The following ST3GAL3 variants were observed in gnomAD, a reference collection of about 807,000 sequenced individuals.
ST3GAL3 encodes ST3 beta-galactoside alpha-2,3-sialyltransferase 3.
ST3GAL3 carries 21 observed loss-of-function variants against 50.1 expected under a neutral mutation model. The observed-to-expected ratio is 0.42, with a 90% CI of 0.30 to 0.60. The LOEUF (loss-of-function observed/expected upper bound fraction) is 0.60. Ranked by LOEUF, ST3GAL3 falls within the 20% of genes least tolerant of loss-of-function variation. ST3GAL3 has a pLI of 0.19. For synonymous variants in ST3GAL3, 183 were observed against 190.0 expected, an observed-to-expected ratio of 0.96 and a Z score of 0.30; for missense variants, 353 against 489.4, an observed-to-expected ratio of 0.72 and a Z score of 2.63.
intron 11 of ST3GAL3, among the ~76,000 whole-genome samples, chr1:43,926,213 G>C (rs2083889811): frequency 6.6e-6 from 1 of 152,208 alleles, no homozygotes; most frequent in Admixed American, 6.5e-5. Flanking sequence ...TTCCCAGAGA[G>C]AGGACAGAGA....
chr1:43,868,864 A>C (rs1044488492), intron 5 of ST3GAL3, among the ~76,000 whole-genome samples: 3 of 152,124 alleles, frequency 2.0e-5, no homozygotes, highest in Non-Finnish European at 4.4e-5. Context: ...ATAGTCTCCC[A>C]CAACCCCTGG....
chr1:43,739,658 A>G (rs1448651200), intron 2 of ST3GAL3, among the ~76,000 whole-genome samples: 5 of 152,248 alleles, frequency 3.3e-5, no homozygotes, highest in Non-Finnish European at 7.3e-5. Flanking sequence ...ACAAAACACA[A>G]CAATTATTAT....
At chr1:43,854,581 T>C (rs1236723007) in intron 5 of ST3GAL3, among the ~76,000 whole-genome samples, 1 of 152,206 alleles carries the variant, frequency 6.6e-6, no homozygotes, top group Admixed American at 6.5e-5. Flanking sequence ...TCCACTGCTT[T>C]AGCTAACATC....
chr1:43,835,919 C>T (rs904841612), intron 4 of ST3GAL3, among the ~76,000 whole-genome samples: 1 of 152,198 alleles, frequency 6.6e-6, no homozygotes, highest in South Asian at 2.1e-4. Flanking sequence ...TTCTCCACCC[C>T]GTGTCTGACT....
intron 2 of ST3GAL3, among the ~76,000 whole-genome samples, chr1:43,741,216 C>G (rs1680795480): frequency 6.6e-6 from 1 of 152,076 alleles, no homozygotes; most frequent in Non-Finnish European, 1.5e-5. Context: ...ATGGTGCCAG[C>G]TACTCGAGAG....
chr1:43,886,713 A>T (rs1035498129), intron 5 of ST3GAL3, among the ~76,000 whole-genome samples: 1 of 152,190 alleles, frequency 6.6e-6, no homozygotes, highest in Non-Finnish European at 1.5e-5. Context: ...ATTGCATTAG[A>T]TTGGAGGGTG....
intron 1 of ST3GAL3, among the ~76,000 whole-genome samples, chr1:43,721,327 G>A (rs1366370606): frequency 2.8e-5 from 4 of 145,034 alleles, no homozygotes; most frequent in Admixed American, 1.4e-4. Flanking sequence ...TTAATGAGAC[G>A]GAGTTTCCCT....
At chr1:43,726,442 A>T (rs1397327132) in intron 1 of ST3GAL3, among the ~76,000 whole-genome samples, 1 of 152,042 alleles carries the variant, frequency 6.6e-6, no homozygotes. Context: ...ACATGCCACT[A>T]TGCCCAGCTA....
intron 2 of ST3GAL3, among the ~76,000 whole-genome samples, chr1:43,761,985 G>C (rs1047939233): frequency 3.5e-5 from 5 of 144,832 alleles, no homozygotes. Flanking sequence ...AAAAATTCAG[G>C]CTGGGCTTGG....
chr1:43,732,186 C>G (rs1676237098), intron 1 of ST3GAL3, among the ~76,000 whole-genome samples: 1 of 152,210 alleles, frequency 6.6e-6, no homozygotes, highest in Admixed American at 6.5e-5. Flanking sequence ...CTGGCAGATA[C>G]TTTATTCACC....
At chr1:43,874,119 A>T (rs1183578844) in intron 5 of ST3GAL3, among the ~76,000 whole-genome samples, 1 of 152,244 alleles carries the variant, frequency 6.6e-6, no homozygotes, top group Non-Finnish European at 1.5e-5. Context: ...GGTAGGCAGG[A>T]TGATTGTATA....
At chr1:43,753,414 G>A (rs1379691070) in intron 2 of ST3GAL3, among the ~76,000 whole-genome samples, 3 of 152,206 alleles carry the variant, frequency 2.0e-5, no homozygotes, top group African/African-American at 7.2e-5. Flanking sequence ...GTAAATAAAA[G>A]TGAAAGTTTG....
chr1:43,791,541 C>T (rs1007533742), intron 2 of ST3GAL3, among the ~76,000 whole-genome samples: 3 of 152,170 alleles, frequency 2.0e-5, no homozygotes, highest in African/African-American at 7.2e-5. Flanking sequence ...GCGGTGTTTG[C>T]GTAGGTACTC....
At chr1:43,742,600 A>G (rs1681456060) in intron 2 of ST3GAL3, among the ~76,000 whole-genome samples, 1 of 152,258 alleles carries the variant, frequency 6.6e-6, no homozygotes, top group African/African-American at 2.4e-5. Flanking sequence ...GAGAATATCC[A>G]TATTCAAGAA....
At chr1:43,781,772 A>T (rs896021607) in intron 2 of ST3GAL3, among the ~76,000 whole-genome samples, 1 of 152,204 alleles carries the variant, frequency 6.6e-6, no homozygotes, top group African/African-American at 2.4e-5. Context: ...TCCTATTTCA[A>T]ACTGGAAGGC....
chr1:43,749,690 G>A (rs936500195), intron 2 of ST3GAL3, among the ~76,000 whole-genome samples: 2 of 152,242 alleles, frequency 1.3e-5, no homozygotes, highest in Non-Finnish European at 2.9e-5. Context: ...GAATGTTCTT[G>A]TCCCTTCCAG....
rs111970220 is a variant in ST3GAL3, at chr1:43,770,435, A to G, written c.119-21667A>G. On this transcript the variant is annotated intron_variant, in intron 2 of 11. Transcript: ENST00000347631. ...GTCAACCTCATTATGACTTGTTGAGATGGGACTAGTGACAAAAACAGGATG... is the reference window on the plus strand; with the variant it reads ...GTCAACCTCATTATGACTTGTTGAGGTGGGACTAGTGACAAAAACAGGATG... Among the ~76,000 whole-genome samples the G allele has an allele frequency of 5.3e-3, 808 of 152,332 alleles. 16 individuals are homozygous for G. Among genetic ancestry groups the G allele is most frequent in the African/African-American group, 0.018 (751 of 41,556 alleles).
At chr1:43,724,109 A>G (rs1314042463) in intron 1 of ST3GAL3, among the ~76,000 whole-genome samples, 1 of 152,156 alleles carries the variant, frequency 6.6e-6, no homozygotes, top group Non-Finnish European at 1.5e-5. Context: ...ATATATATAT[A>G]TGCATTCAAA....
chr1:43,922,237 C>T (rs1402315292), intron 11 of ST3GAL3: 1 of 152,388 alleles, frequency 6.6e-6, no homozygotes, highest in Non-Finnish European at 1.5e-5. Flanking sequence ...CGCGGTGGCT[C>T]ACGCAGGTAA....
Sources: allele counts gnomAD v4.1 joint callset (sites outside exome capture counted in the v4.1 genomes callset), GRCh38; gene constraint gnomAD v4.1.1; transcripts MANE v1.5; gene names NCBI Gene and HGNC (gene_info 2026-07-23, HGNC 2026-07-21).